Variants in WIPF3 observed in about 807,000 individuals in gnomAD.
WIPF3 encodes the protein WAS/WASL interacting protein family member 3.
Under a neutral mutation model 38.9 loss-of-function variants are expected in WIPF3, and 33 were observed. That is an observed-to-expected ratio of 0.85 (90% CI 0.64 to 1.14). The LOEUF is 1.14. Among genes scored for constraint, WIPF3 ranks in the 50% most tolerant of loss-of-function variants. WIPF3 has a pLI of 0.00. For missense variants in WIPF3, 711 were observed against 652.5 expected (o/e 1.09, Z -0.98); for synonymous variants, 324 against 269.3 (o/e 1.20, Z -1.99).
At chr7:29,841,164 CTTTGTAAGATGGGGATCA>C in intron 2 of WIPF3, among the ~76,000 whole-genome samples, 1 of 152,272 alleles carries the variant, frequency 6.6e-6, no homozygotes, top group African/African-American at 2.4e-5. Flanking sequence ...TATATGTAAT[CTTTGTAAGATGGGGATCA>C]TTTTGTGTGA....
intron 7 of WIPF3, among the ~76,000 whole-genome samples, chr7:29,903,077 G>A (rs982350900): frequency 6.6e-6 from 1 of 152,092 alleles, no homozygotes; most frequent in Non-Finnish European, 1.5e-5. Context: ...AGGATCACTC[G>A]AGTCTGGGAG....
chr7:29,886,537 A>T (rs1785886110), intron 5 of WIPF3, among the ~76,000 whole-genome samples: 1 of 151,682 alleles, frequency 6.6e-6, no homozygotes, highest in Non-Finnish European at 1.5e-5. Context: ...TTGTATTTTT[A>T]GTAGAGACAG....
At chr7:29,890,364 AAAAAAAAAGAG>A (rs1180567860) in intron 7 of WIPF3, among the ~76,000 whole-genome samples, 1 of 81,754 alleles carries the variant, frequency 1.2e-5, no homozygotes, top group Non-Finnish European at 2.9e-5. Context: ...CAAAAAAAAA[AAAAAAAAAGAG>A]AGAGAGAGAA....
At chr7:29,871,031 T>C (rs988373493) in intron 2 of WIPF3, among the ~76,000 whole-genome samples, 34 of 151,940 alleles carry the variant, frequency 2.2e-4, no homozygotes, top group Non-Finnish European at 1.0e-4. Flanking sequence ...TGGATTGGAA[T>C]TGGATATTTG....
rs543812890 is a variant in WIPF3, at chr7:29,885,792, G to T, written c.1099+1199G>T. Among the ~76,000 whole-genome samples, 3 of 152,296 alleles carry T rather than the reference G, an allele frequency of 2.0e-5. 1 individual carries two copies. The East Asian group carries it at 5.8e-4, about 29-fold the overall frequency. ...GATTGTGCCATTGTACTCCAGATTGGATGACAGAGCCAGATGCTGCTGTCT... is the reference window on the plus strand; with the variant it reads ...GATTGTGCCATTGTACTCCAGATTGTATGACAGAGCCAGATGCTGCTGTCT... On this transcript the variant is annotated intron_variant, in intron 5 of 8. Coordinates refer to ENST00000242140, the MANE Select transcript of WIPF3 (RefSeq NM_001080529.3).
intron 2 of WIPF3, among the ~76,000 whole-genome samples, chr7:29,868,596 T>C (rs541159251): frequency 1.2e-4 from 18 of 151,986 alleles, no homozygotes; most frequent in Middle Eastern, 3.4e-3. Context: ...TACACACATA[T>C]ATACAGTGAT....
chr7:29,807,961 T>C (rs1583585149), intron 1 of WIPF3, among the ~76,000 whole-genome samples: 1 of 152,108 alleles, frequency 6.6e-6, no homozygotes, highest in East Asian at 1.9e-4. Context: ...TCCCTTCAAT[T>C]TTTTTTAACT....
chr7:29,866,666 C>G lies in WIPF3; in HGVS notation c.91-9164C>G, dbSNP rs182789544. Among the ~76,000 whole-genome samples the G allele has an allele frequency of 2.5e-3, 387 of 152,394 alleles. 1 individual carries two copies. Among genetic ancestry groups the G allele is most frequent in the African/African-American group, 9.0e-3 (376 of 41,592 alleles). On this transcript the variant is annotated intron_variant, in intron 2 of 8. Transcript: ENST00000242140. ...TGTCCTTTCTGGCTCTGGCAAAAGC[C>G]TAGCACTTAGCTCCTTTGGCCCCAG...
chr7:29,834,581 C>A, intron 1 of WIPF3, 87 bp from the exon 2 acceptor site: 4 of 1,183,060 alleles, frequency 3.4e-6, no homozygotes, highest in Non-Finnish European at 4.5e-6. Flanking sequence ...ATCAAGCTGA[C>A]TATAATATGC....
intron 1 of WIPF3, among the ~76,000 whole-genome samples, chr7:29,822,966 C>A (rs1211960575): frequency 6.6e-6 from 1 of 152,144 alleles, no homozygotes; most frequent in East Asian, 1.9e-4. Context: ...TTCCAAGAAG[C>A]CACCATATCC....
intron 8 of WIPF3, 129 bp downstream of exon 8, chr7:29,904,491 C>A: frequency 3.8e-6 from 3 of 789,282 alleles, no homozygotes; most frequent in Non-Finnish European, 6.0e-6. Context: ...TCAGGGAAAG[C>A]CATTTGGTGG....
At chr7:29,869,897 C>A (rs1785465456) in intron 2 of WIPF3, among the ~76,000 whole-genome samples, 1 of 152,162 alleles carries the variant, frequency 6.6e-6, no homozygotes, top group Admixed American at 6.5e-5. Context: ...TATACATAAA[C>A]TCATGGTACC....
chr7:29,850,695 G>A (rs1785079943), intron 2 of WIPF3, among the ~76,000 whole-genome samples: 1 of 152,168 alleles, frequency 6.6e-6, no homozygotes, highest in Admixed American at 6.5e-5. Context: ...AGAAAGTGAG[G>A]ATTGAAAGAG....
At chr7:29,822,123 G>GTTTTTTTTTTTTTTTTTTTTTTTTTTT in intron 1 of WIPF3, among the ~76,000 whole-genome samples, 1 of 62,878 alleles carries the variant, frequency 1.6e-5, no homozygotes, top group Non-Finnish European at 2.9e-5. Flanking sequence ...TTTTTTCTTA[G>GTTTTTTTTTTTTTTTTTTTTTTTTTTT]TTTTTTTTTT....
intron 1 of WIPF3, among the ~76,000 whole-genome samples, chr7:29,831,095 G>A (rs980313277): frequency 1.3e-5 from 2 of 152,140 alleles, no homozygotes; most frequent in Non-Finnish European, 2.9e-5. Flanking sequence ...ATAAACAAGT[G>A]CTCCTCTCTC....
At chr7:29,890,508 C>T (rs546683067) in intron 7 of WIPF3, among the ~76,000 whole-genome samples, 4 of 152,342 alleles carry the variant, frequency 2.6e-5, no homozygotes, top group East Asian at 3.9e-4. Context: ...CCTAAGTAAG[C>T]CCCCATTCCA....
At chr7:29,809,613 AG>A (rs1359447879) in intron 1 of WIPF3, among the ~76,000 whole-genome samples, 4 of 152,248 alleles carry the variant, frequency 2.6e-5, no homozygotes, top group African/African-American at 9.6e-5. Context: ...GATGCTGGGC[AG>A]GGGCAGCACA....
intron 4 of WIPF3, 103 bp from the exon 5 acceptor site, chr7:29,883,747 G>A: frequency 6.9e-7 from 1 of 1,452,488 alleles, no homozygotes; most frequent in Non-Finnish European, 9.1e-7. Flanking sequence ...GGTCTACAGT[G>A]CAGCTCACTG....
chr7:29,807,968 A>T (rs1437986966), intron 1 of WIPF3, among the ~76,000 whole-genome samples: 1 of 152,066 alleles, frequency 6.6e-6, no homozygotes, highest in African/African-American at 2.4e-5. Flanking sequence ...AATTTTTTTT[A>T]ACTTTATCAT....
Sources: allele counts gnomAD v4.1 joint callset (sites outside exome capture counted in the v4.1 genomes callset), GRCh38; gene constraint gnomAD v4.1.1; transcripts MANE v1.5; gene names NCBI Gene and HGNC (gene_info 2026-07-23, HGNC 2026-07-21).